LRRC9: variants seen among roughly 807,000 people sequenced by gnomAD.
LRRC9 encodes leucine-rich repeat-containing protein 9.
LRRC9 carries 122 observed loss-of-function variants against 63.2 expected under a neutral mutation model. The ratio of observed to expected loss-of-function variants is 1.93; its 90% confidence interval spans 1.67 to 2.24. The LOEUF is 2.24. LRRC9 is among the 30% of genes most tolerant of loss of function. LRRC9 has a pLI of 0.00. For synonymous variants in LRRC9, 366 were observed against 213.1 expected (o/e 1.72, Z -6.25); for missense variants, 1,071 against 627.7 (o/e 1.71, Z -7.55).
Position 60,058,088 on chromosome 14 carries a change from A to AT in LRRC9, c.4276+69dup. Reference sequence around the variant, plus strand: ...AATTTGAAATAAAAATATCACTTTAATTTCTAATAGTACTTAAAATTCCTT... The same window carrying AT: ...AATTTGAAATAAAAATATCACTTTAATTTTCTAATAGTACTTAAAATTCCTT... On this transcript the variant is annotated intron_variant, in intron 31 of 31. Coordinates refer to ENST00000445360, the Ensembl canonical transcript of LRRC9. This position sits in a 1 kb window ranked among gnomAD's most constrained non-coding sequence, Gnocchi z 4.4. The AT allele has an allele frequency of 2.1e-6, 1 of 486,160 alleles. No individual in the cohort carries two copies. Among genetic ancestry groups the AT allele is most frequent in the Non-Finnish European group, 3.8e-6 (1 of 264,838 alleles). The allele number at this position is 486,160 out of a possible 1,614,324, so 30.1% of individuals were successfully genotyped here. A position where few individuals can be genotyped will look rare whatever the true frequency, so the allele number is the denominator to read the frequency against.
At chr14:59,976,734 A>C (rs1594920841) in intron 13 of LRRC9, among the ~76,000 whole-genome samples, 1 of 152,304 alleles carries the variant, frequency 6.6e-6, no homozygotes, top group East Asian at 1.9e-4. Context: ...TTTATGTATT[A>C]TGATTATAAA....
At chr14:59,980,699 G>C (rs1460912116) in intron 15 of LRRC9, among the ~76,000 whole-genome samples, 1 of 152,072 alleles carries the variant, frequency 6.6e-6, no homozygotes, top group Non-Finnish European at 1.5e-5. Flanking sequence ...AACATTTCTT[G>C]TTTAGTTCTG....
intron 29 of LRRC9, among the ~76,000 whole-genome samples, chr14:60,046,005 A>T (rs892507445): frequency 4.6e-5 from 7 of 152,010 alleles, no homozygotes; most frequent in African/African-American, 1.7e-4. Context: ...TTTGATTTGC[A>T]TTTCTCTAAT....
rs1167051629 is a variant in LRRC9 at position 60,053,381 on chromosome 14, G to GCA, written c.4131+177_4131+178insAC. ...TGGATTTGGTGAATAGAGCATGCGT[G>GCA]CTCACACACACACACACACACACAC... is the stretch of plus-strand genomic sequence containing the variant. On this transcript the variant is annotated intron_variant, in intron 30 of 31. Coordinates refer to ENST00000445360, the Ensembl canonical transcript of LRRC9. The surrounding 1 kb of genome is among the most constrained non-coding windows in gnomAD (Gnocchi z 4.8). Among the ~76,000 whole-genome samples the GCA allele has an allele frequency of 2.7e-5, 2 of 73,206 alleles. No individual in the cohort carries two copies. Among genetic ancestry groups the GCA allele is most frequent in the African/African-American group, 4.9e-5 (1 of 20,256 alleles). 48.0% of individuals were successfully genotyped at this position (73,206 alleles called of 152,430 possible).
intron 23 of LRRC9, among the ~76,000 whole-genome samples, chr14:60,009,770 G>A (rs975286516): frequency 4.6e-5 from 7 of 152,170 alleles, no homozygotes; most frequent in Non-Finnish European, 8.8e-5. Flanking sequence ...GAGACAATGG[G>A]GGTACAGGCA....
intron 29 of LRRC9, among the ~76,000 whole-genome samples, chr14:60,033,185 A>G (rs982079695): frequency 6.6e-6 from 1 of 152,012 alleles, no homozygotes; most frequent in African/African-American, 2.4e-5. Flanking sequence ...TCATCTAGGA[A>G]TCTTGCTGAA....
chr14:59,928,056 C>T, intron 2 of LRRC9, 65 bp downstream of exon 2: 1 of 655,842 alleles, frequency 1.5e-6, no homozygotes, highest in East Asian at 2.8e-5. Context: ...AGTTTTTATG[C>T]TCCTTTCTAG....
intron 13 of LRRC9, among the ~76,000 whole-genome samples, chr14:59,975,864 C>T (rs1236597221): frequency 6.6e-6 from 1 of 152,180 alleles, no homozygotes; most frequent in Non-Finnish European, 1.5e-5. Flanking sequence ...AACCCCTGCC[C>T]ACAGACTGGT....
chr14:60,032,066 G>T lies in LRRC9; in HGVS notation c.3990+3G>T. The T allele has an allele frequency of 2.9e-6, 2 of 696,172 alleles. No individual in the cohort carries two copies. The highest frequency in any genetic ancestry group is 2.7e-5 in the East Asian group (1 of 37,048). 43.1% of individuals were successfully genotyped at this position (696,172 alleles called of 1,614,324 possible). A position where few individuals can be genotyped will look rare whatever the true frequency, so the allele number is the denominator to read the frequency against. ...AGCTTACAGTGTATGGCAATCCAGT[G>T]AGTATGTTACCATTCTAATTTATTA... On this transcript the variant is annotated splice_donor_region_variant and intron_variant, in intron 29 of 31. Transcript: ENST00000445360.
chr14:60,040,535 G>C (rs578179011), intron 29 of LRRC9, among the ~76,000 whole-genome samples: 1 of 151,894 alleles, frequency 6.6e-6, no homozygotes, highest in Non-Finnish European at 1.5e-5. Flanking sequence ...TGTCTATTCT[G>C]ATCTTTGTTG....
At chr14:60,032,646 T>C (rs76343374) in intron 29 of LRRC9, among the ~76,000 whole-genome samples, 3,193 of 152,246 alleles carry the variant, frequency 0.021, 60 homozygotes, top group South Asian at 0.05. Context: ...TTGAGAAATA[T>C]GACAATGGAG....
intron 12 of LRRC9, among the ~76,000 whole-genome samples, chr14:59,971,134 A>G (rs779291918): frequency 6.6e-6 from 1 of 152,080 alleles, no homozygotes; most frequent in Non-Finnish European, 1.5e-5. Context: ...CCCAGTTTCA[A>G]TCTTCTGCAT....
rs1191777424 is a variant in LRRC9, at chr14:60,004,230, A to T, written c.2842+432A>T. ...AAACATTAGCACATACCAACTAGTTAGTCATTAATGTCTGTAAAGTTGAGT... is the reference window on the plus strand; with the variant it reads ...AAACATTAGCACATACCAACTAGTTTGTCATTAATGTCTGTAAAGTTGAGT... On this transcript the variant is annotated intron_variant, in intron 21 of 31. Transcript: ENST00000445360. This position sits in a 1 kb window ranked among gnomAD's most constrained non-coding sequence, Gnocchi z 4.8. Among the ~76,000 whole-genome samples the T allele has an allele frequency of 6.6e-6, 1 of 152,140 alleles. No homozygotes were observed. Among genetic ancestry groups the T allele is most frequent in the Non-Finnish European group, 1.5e-5 (1 of 68,004 alleles).
intron 1 of LRRC9, among the ~76,000 whole-genome samples, chr14:59,924,555 T>C (rs1322587088): frequency 1.3e-5 from 2 of 152,102 alleles, no homozygotes; most frequent in Non-Finnish European, 1.5e-5. Flanking sequence ...CCAATCACCA[T>C]CCTCTCCCAC....
intron 24 of LRRC9, 90 bp downstream of exon 24, chr14:60,016,880 C>T (rs219388): frequency 0.79 from 422,880 of 532,858 alleles, 172,392 homozygotes; most frequent in Non-Finnish European, 0.86. Flanking sequence ...ATACAACTTA[C>T]CTAAATATAA....
At chr14:59,997,102 A>G (rs1888878475) in intron 17 of LRRC9, among the ~76,000 whole-genome samples, 2 of 152,084 alleles carry the variant, frequency 1.3e-5, no homozygotes, top group African/African-American at 4.8e-5. Context: ...GTTCTTTCTG[A>G]GCAATAGGAT....
At chr14:60,043,756 C>CTTTTTTT (rs368065898) in intron 29 of LRRC9, among the ~76,000 whole-genome samples, 28 of 71,520 alleles carry the variant, frequency 3.9e-4, no homozygotes, top group East Asian at 3.2e-3. Flanking sequence ...TTTTCTTTTC[C>CTTTTTTT]TTTTTTTTTT....
chr14:59,985,315 G>A (rs1887346851), intron 17 of LRRC9, 91 bp downstream of exon 17: 9 of 502,428 alleles, frequency 1.8e-5, no homozygotes, highest in African/African-American at 3.8e-5. Flanking sequence ...TAGGGGAAAT[G>A]GGGAGATATT....
intron 29 of LRRC9, among the ~76,000 whole-genome samples, chr14:60,036,079 A>C (rs534537106): frequency 6.6e-6 from 1 of 152,168 alleles, no homozygotes; most frequent in Admixed American, 6.6e-5. Flanking sequence ...GAAGGGTTGG[A>C]TGTGAAGAGG....
Sources: allele counts gnomAD v4.1 joint callset (sites outside exome capture counted in the v4.1 genomes callset), GRCh38; gene constraint gnomAD v4.1.1; non-coding constraint Gnocchi (gnomAD v3.1); transcripts MANE v1.5; gene names NCBI Gene and HGNC (gene_info 2026-07-23, HGNC 2026-07-21).